DCHS2: variants seen among roughly 807,000 people sequenced by gnomAD.
The protein encoded by DCHS2 is protocadherin-23.
Under a neutral mutation model 182.4 loss-of-function variants are expected in DCHS2, and 142 were observed. The observed-to-expected ratio is 0.78, with a 90% confidence interval of 0.68 to 0.89. DCHS2 has a LOEUF of 0.89. DCHS2 is among the 40% of genes least tolerant of loss of function. The pLI is 0.00. For missense variants in DCHS2, 4,319 were observed against 4,198.6 expected (o/e 1.03, Z -0.79); for synonymous variants, 1,740 against 1,663.3 (o/e 1.05, Z -1.12).
Position 154,311,208 on chromosome 4 carries a change from T to C in DCHS2, c.5260+4540A>G, listed in dbSNP as rs143921905. Reference sequence around the variant, plus strand: ...TAATAAAGAATTCTTTCCAGGGGTGTGTTATTTTTAGGAAGATCATTTTTC... The same window carrying C: ...TAATAAAGAATTCTTTCCAGGGGTGCGTTATTTTTAGGAAGATCATTTTTC... On this transcript the variant is annotated intron_variant, in intron 10 of 19. Coordinates refer to ENST00000357232, the MANE Select transcript of DCHS2 (RefSeq NM_001358235.2). 2.3e-3 allele frequency among the ~76,000 whole-genome samples: 346 copies of C among 152,176 alleles called. 2 individuals carry two copies. The highest frequency in any genetic ancestry group is 7.9e-3 in the African/African-American group (327 of 41,516).
chr4:154,361,352 C>T (rs1442943672), intron 3 of DCHS2, among the ~76,000 whole-genome samples: 1 of 152,098 alleles, frequency 6.6e-6, no homozygotes, highest in Admixed American at 6.6e-5. Flanking sequence ...AAAGTAGTTT[C>T]TTCCAGTGTA....
At chr4:154,480,833 T>C (rs1257713215) in intron 1 of DCHS2, among the ~76,000 whole-genome samples, 3 of 152,198 alleles carry the variant, frequency 2.0e-5, no homozygotes, top group Admixed American at 6.5e-5. Context: ...TTTGTTATGT[T>C]GCCCAGGCTG....
intron 7 of DCHS2, chr4:154,323,231 A>G: frequency 6.5e-7 from 1 of 1,543,070 alleles, no homozygotes; most frequent in Non-Finnish European, 8.7e-7. Flanking sequence ...TAGAGAACTG[A>G]CCAGATTCAG....
intron 1 of DCHS2, among the ~76,000 whole-genome samples, chr4:154,396,448 T>A (rs1560733518): frequency 6.6e-6 from 1 of 152,108 alleles, no homozygotes; most frequent in East Asian, 1.9e-4. Flanking sequence ...CAATTAAAAG[T>A]CCATTCTCTA....
At chr4:154,264,546 A>G (rs151091346) in intron 14 of DCHS2, among the ~76,000 whole-genome samples, 64 of 152,328 alleles carry the variant, frequency 4.2e-4, no homozygotes, top group South Asian at 1.0e-3. Context: ...TTGGAGTTCC[A>G]AGAAAAGATA....
intron 16 of DCHS2, among the ~76,000 whole-genome samples, chr4:154,249,363 A>G (rs1325440983): frequency 3.9e-5 from 6 of 152,140 alleles, no homozygotes; most frequent in African/African-American, 1.2e-4. Context: ...TCAGAGAAAT[A>G]CAAATCAAAA....
intron 1 of DCHS2, among the ~76,000 whole-genome samples, chr4:154,421,990 T>A (rs1733132129): frequency 6.6e-6 from 1 of 152,220 alleles, no homozygotes; most frequent in Admixed American, 6.5e-5. Flanking sequence ...TCTCTCAGCA[T>A]CATTCAGTAA....
chr4:154,429,923 A>C (rs1733490759), intron 1 of DCHS2, among the ~76,000 whole-genome samples: 1 of 152,170 alleles, frequency 6.6e-6, no homozygotes, highest in Non-Finnish European at 1.5e-5. Flanking sequence ...ACATCTGCAA[A>C]ATATGGGTCA....
At chr4:154,395,805 C>T (rs546280812) in intron 1 of DCHS2, among the ~76,000 whole-genome samples, 30 of 151,960 alleles carry the variant, frequency 2.0e-4, no homozygotes, top group Admixed American at 7.9e-4. Context: ...GGAAAGTAGA[C>T]GAATGAATAA....
chr4:154,366,306 G>A lies in DCHS2; in HGVS notation c.2380C>T (p.Leu794Phe), dbSNP rs773674348. 2.5e-6 allele frequency: 4 copies of A among 1,613,908 alleles called. No individual in the cohort carries two copies. The highest frequency in any genetic ancestry group is 2.2e-5 in the South Asian group (2 of 91,064). Residue 794 changes from leucine to phenylalanine, a missense_variant, in exon 3 of 20, where the codon CTT becomes TTT. Leu to Phe is a conservative substitution (Grantham distance 22, BLOSUM62 0). Transcript: ENST00000357232. ...TQPGTEIINV[L>F]ATDQDSGIYG... is the part of the protein sequence containing the mutation. ...ATCCCAGAGTCCTGGTCAGTGGCAA[G>A]AACATTGATGATCTCGGTGCCTGGC...
chr4:154,258,618 C>A (rs1732818917), intron 15 of DCHS2, among the ~76,000 whole-genome samples: 1 of 152,056 alleles, frequency 6.6e-6, no homozygotes, highest in South Asian at 2.1e-4. Context: ...CTCAGGTGAT[C>A]CACCTGCCTT....
chr4:154,297,061 T>C (rs548329421), intron 13 of DCHS2, among the ~76,000 whole-genome samples: 1 of 152,166 alleles, frequency 6.6e-6, no homozygotes, highest in Non-Finnish European at 1.5e-5. Context: ...GATCTGGCAG[T>C]TTGTAATGAG....
Position 154,329,641 on chromosome 4 carries a change from G to C in DCHS2, c.3800C>G (p.Thr1267Arg), listed in dbSNP as rs942217777. 25 of 1,612,420 alleles carry C rather than the reference G, an allele frequency of 1.6e-5. No homozygotes were observed. Among genetic ancestry groups the C allele is most frequent in the Middle Eastern group, 2.0e-4 (1 of 4,938 alleles). The change falls in exon 6 of 20, where the codon ACA (threonine) becomes AGA (arginine). Residue 1267 changes from threonine (T) to arginine (R), a missense_variant. Transcript: ENST00000357232. ...RGHHEMTVLV[T>R]DRGSPPRNAT... ...GTTTCGTGGTGGGGAGCCGCGGTCT[G>C]TCACTAGCACAGTCATCTCATGGTG... is the stretch of plus-strand genomic sequence containing the variant.
At chr4:154,471,750 T>C (rs1334306712) in intron 1 of DCHS2, among the ~76,000 whole-genome samples, 1 of 151,912 alleles carries the variant, frequency 6.6e-6, no homozygotes, top group African/African-American at 2.4e-5. Flanking sequence ...TGCTTTAGAG[T>C]GTGAGATTGA....
rs148639803 is a variant in DCHS2, at chr4:154,333,033, C to G, written c.3175G>C (p.Gly1059Arg). 4.3e-6 allele frequency: 7 copies of G among 1,614,160 alleles called. No individual in the cohort carries two copies. The highest frequency in any genetic ancestry group is 4.0e-5 in the African/African-American group (3 of 75,062). Residue 1059 changes from glycine (G) to arginine (R), a missense_variant, in exon 5 of 20, where the codon GGC (glycine) becomes CGC (arginine). Transcript: ENST00000357232. ...AGCAGGGCTGCCTGAGGATGCACGC[C>G]TTGGTCCTCGGCCCTGAGAGTCAGC... ...LTLTLRAEDQ[G>R]VHPQAALLVL...
chr4:154,471,892 A>T (rs1285049186), intron 1 of DCHS2, among the ~76,000 whole-genome samples: 1 of 152,154 alleles, frequency 6.6e-6, no homozygotes, highest in East Asian at 1.9e-4. Context: ...ATGCATAGTT[A>T]GGTCGGTGAT....
At chr4:154,282,698 C>A (rs1205122774) in intron 13 of DCHS2, among the ~76,000 whole-genome samples, 12 of 152,044 alleles carry the variant, frequency 7.9e-5, no homozygotes, top group Non-Finnish European at 5.9e-5. Flanking sequence ...GAATTGAAAA[C>A]AGGATCTCAA....
At chr4:154,354,600 C>T (rs1045965119) in intron 3 of DCHS2, 3 of 152,118 alleles carry the variant, frequency 2.0e-5, no homozygotes, top group African/African-American at 7.2e-5. Flanking sequence ...TGTTCTAGTC[C>T]TACAATCCAT....
chr4:154,426,156 C>A (rs1296294711), intron 1 of DCHS2, among the ~76,000 whole-genome samples: 1 of 152,196 alleles, frequency 6.6e-6, no homozygotes, highest in Non-Finnish European at 1.5e-5. Flanking sequence ...CAACCCCCAC[C>A]CCAGACCCCG....
Sources: allele counts gnomAD v4.1 joint callset (sites outside exome capture counted in the v4.1 genomes callset), GRCh38; gene constraint gnomAD v4.1.1; transcripts MANE v1.5; gene names NCBI Gene and HGNC (gene_info 2026-07-23, HGNC 2026-07-21).